The following DNAH2 variants were observed in gnomAD, a reference collection of about 807,000 sequenced individuals.
The protein encoded by DNAH2 is axonemal beta dynein heavy chain 2.
A neutral mutation model predicts 523.5 loss-of-function variants in DNAH2; 323 were observed. That is an observed-to-expected ratio of 0.62 (90% CI 0.56 to 0.68). The LOEUF (loss-of-function observed/expected upper bound fraction) is 0.68, where lower values mean the gene tolerates loss of function less well. Among genes scored for constraint, DNAH2 ranks in the 30% least tolerant of loss-of-function variants. The pLI is 0.00. For missense variants in DNAH2, 4,907 were observed against 5,701.5 expected, an observed-to-expected ratio of 0.86 and a Z score of 4.49; for synonymous variants, 2,093 against 2,177.4, an observed-to-expected ratio of 0.96 and a Z score of 1.08.
chr17:7,832,531 T>C lies in DNAH2; in HGVS notation c.12727-48T>C, dbSNP rs1170768409. The C allele has an allele frequency of 6.3e-7, 1 of 1,590,542 alleles. No homozygotes were observed. Among genetic ancestry groups the C allele is most frequent in the Non-Finnish European group, 8.6e-7 (1 of 1,165,438 alleles). On this transcript the variant is annotated intron_variant, in intron 82 of 85. Transcript: ENST00000572933. This position sits in a 1 kb window ranked among gnomAD's most constrained non-coding sequence, Gnocchi z 4.3. Reference sequence around the variant, plus strand: ...TCTCTAAATAAATAAATAATACGGATTTGAATGCACGGCTAAATGAGTGAA... The same window carrying C: ...TCTCTAAATAAATAAATAATACGGACTTGAATGCACGGCTAAATGAGTGAA...
chr17:7,763,749 A>C lies in DNAH2; in HGVS notation c.2979-82A>C. On this transcript the variant is annotated intron_variant, in intron 18 of 85. Transcript: ENST00000572933. ...GCTGCCCAGGTTTGGGTGGAAGGAAATGAGACCTGCAGCCCGTGTGGGGAC... is the reference window on the plus strand; with the variant it reads ...GCTGCCCAGGTTTGGGTGGAAGGAACTGAGACCTGCAGCCCGTGTGGGGAC... The C allele has an allele frequency of 1.9e-6, 3 of 1,550,402 alleles. No individual in the cohort carries two copies. The South Asian group carries it at 3.5e-5, about 18-fold the overall frequency.
intron 2 of DNAH2, 67 bp from the exon 3 acceptor site, chr17:7,723,561 C>T (rs1413620425): frequency 1.3e-5 from 18 of 1,402,814 alleles, no homozygotes; most frequent in Middle Eastern, 1.8e-4. Flanking sequence ...TGTGAGCCAC[C>T]GCGCCCAGCT....
In DNAH2 at chr17:7,797,177, T is replaced by G; in HGVS notation, c.7865T>G (p.Val2622Gly). Residue 2622 changes from valine (V) to glycine (G), a missense_variant and splice_region_variant, in exon 51 of 86, where the codon GTG becomes GGG. This residue lies in a region of DNAH2 where 250 missense variants were observed against 371.3 expected (regional missense o/e 0.67). Coordinates refer to ENST00000572933, the MANE Select transcript of DNAH2 (RefSeq NM_020877.5). The stretch of plus-strand genomic sequence containing the variant: ...CCCAACAGTCAGTCCTCTTCCCAGG[T>G]GTTCCAGGGCATGCTTAGAGCCAAC... The part of the protein sequence containing the change: ...YLFNLRDISK[V>G]FQGMLRANKD... 6.2e-7 allele frequency: 1 copy of G among 1,612,320 alleles called. No individual in the cohort carries two copies. The highest frequency in any genetic ancestry group is 8.5e-7 in the Non-Finnish European group (1 of 1,179,452).
At chr17:7,719,654 C>CT in intron 1 of DNAH2, 67 bp from the exon 2 acceptor site, 1 of 1,581,542 alleles carries the variant, frequency 6.3e-7, no homozygotes. Flanking sequence ...AAAGGGACTG[C>CT]TTGTATCAGG....
chr17:7,782,628 CAACA>C (rs1426846238), intron 39 of DNAH2, among the ~76,000 whole-genome samples: 1 of 152,080 alleles, frequency 6.6e-6, no homozygotes, highest in Non-Finnish European at 1.5e-5. Context: ...GCCAGAAGAA[CAACA>C]GACAGTGGAA....
chr17:7,802,156 G>A, intron 58 of DNAH2, 139 bp downstream of exon 58: 1 of 1,199,518 alleles, frequency 8.3e-7, no homozygotes, highest in Non-Finnish European at 1.2e-6. Flanking sequence ...AGGGAGTTGG[G>A]GCTTCCCGTG....
At chr17:7,734,113 A>C in intron 5 of DNAH2, 70 bp from the exon 6 acceptor site, 2 of 1,373,116 alleles carry the variant, frequency 1.5e-6, no homozygotes, top group Non-Finnish European at 1.0e-6. Context: ...CCGATCATCA[A>C]CCGTGATTCC....
At chr17:7,826,721 T>G (rs948472854) in intron 77 of DNAH2, among the ~76,000 whole-genome samples, 3 of 151,812 alleles carry the variant, frequency 2.0e-5, no homozygotes, top group African/African-American at 7.3e-5. Context: ...GTATTTTTAG[T>G]AGAGATGGAG....
chr17:7,803,458 G>T (rs2077277741), intron 58 of DNAH2, among the ~76,000 whole-genome samples: 1 of 152,118 alleles, frequency 6.6e-6, no homozygotes, highest in Admixed American at 6.6e-5. Flanking sequence ...ATCACTTGAG[G>T]TCAGGAGTTC....
rs1286903317 is a variant in DNAH2 at position 7,796,539 on chromosome 17, A to T, written c.7750A>T (p.Ile2584Phe). 5 of 1,613,620 alleles carry T rather than the reference A, an allele frequency of 3.1e-6. No individual in the cohort carries two copies. In the South Asian group the frequency reaches 4.4e-5, roughly 14 times the overall value. Residue 2584 changes from isoleucine to phenylalanine, a missense_variant, in exon 50 of 86, where the codon ATT (isoleucine) becomes TTT (phenylalanine). Physicochemically the swap from Ile to Phe is conservative, Grantham distance 21. Transcript: ENST00000572933. Reference sequence around the variant, plus strand: ...GGACTTTGAGGAAGAGGTGAAGCCCATTGGGAACGTGGTGACAGAGGCCAC... The same window carrying T: ...GGACTTTGAGGAAGAGGTGAAGCCCTTTGGGAACGTGGTGACAGAGGCCAC... ...LQDFEEEVKP[I>F]GNVVTEATLD...
Position 7,761,447 on chromosome 17 carries a change from T to A in DNAH2, c.2978+515T>A, listed in dbSNP as rs181889485. Among the ~76,000 whole-genome samples the A allele has an allele frequency of 7.4e-4, 113 of 152,138 alleles. 1 individual carries two copies. The highest frequency in any genetic ancestry group is 1.6e-3 in the Admixed American group (24 of 15,272). On this transcript the variant is annotated intron_variant, in intron 18 of 85. Coordinates refer to ENST00000572933, the MANE Select transcript of DNAH2 (RefSeq NM_020877.5). ...CATGCTTGAATAATTTTCTTTTTTT[T>A]AAAATTTTTTGTAGAGATTCTATGT...
At chr17:7,782,128 T>C (rs1321110862) in intron 39 of DNAH2, among the ~76,000 whole-genome samples, 2 of 152,182 alleles carry the variant, frequency 1.3e-5, no homozygotes, top group Admixed American at 1.3e-4. Context: ...AAAACTGTTG[T>C]TGATCTTAAG....
rs1555575669 is a variant in DNAH2 at position 7,823,345 on chromosome 17, T to TAGAG, written c.11143-96_11143-95insGAGA. 10 of 1,009,702 alleles carry TAGAG rather than the reference T, an allele frequency of 9.9e-6. No homozygotes were observed. In the Admixed American group the frequency reaches 1.5e-4, roughly 15 times the overall value. The allele number at this position is 1,009,702 out of a possible 1,614,324, so 62.5% of individuals were successfully genotyped here. A position where few individuals can be genotyped will look rare whatever the true frequency, so the allele number is the denominator to read the frequency against. ...GTTTTCCCACCGAGAGAGAGAAAAATACAGAGAGAGAGAGAGAGAGAGAGA... is the reference window on the plus strand; with the variant it reads ...GTTTTCCCACCGAGAGAGAGAAAAATAGAGACAGAGAGAGAGAGAGAGAGAGAGA... On this transcript the variant is annotated intron_variant, in intron 73 of 85. Coordinates refer to ENST00000572933, the MANE Select transcript of DNAH2 (RefSeq NM_020877.5).
intron 12 of DNAH2, among the ~76,000 whole-genome samples, chr17:7,753,877 G>C (rs1047548026): frequency 3.9e-5 from 6 of 152,132 alleles, no homozygotes; most frequent in Non-Finnish European, 5.9e-5. Flanking sequence ...AAACCGGGGA[G>C]GCAGAGGTTG....
rs201676897 is a variant in DNAH2 at position 7,719,850 on chromosome 17, C to A, written c.116C>A (p.Pro39Gln). 1.2e-6 allele frequency: 2 copies of A among 1,600,382 alleles called. No homozygotes were observed. Among genetic ancestry groups the A allele is most frequent in the African/African-American group, 2.7e-5 (2 of 74,652 alleles). Residue 39 changes from proline (P) to glutamine (Q), a missense_variant, in exon 2 of 86, where the codon CCG (proline) becomes CAG (glutamine). Transcript: ENST00000572933. ...AVATQEQGNAPAVSEPELQAE... is the reference protein window; with the variant it reads ...AVATQEQGNAQAVSEPELQAE... Reference sequence around the variant, plus strand: ...GCCACACAGGAGCAGGGGAATGCCCCGGCTGTCAGTGAGCCAGAGCTGCAG... The same window carrying A: ...GCCACACAGGAGCAGGGGAATGCCCAGGCTGTCAGTGAGCCAGAGCTGCAG...
chr17:7,805,474 A>G, intron 61 of DNAH2, 81 bp downstream of exon 61: 8 of 1,587,476 alleles, frequency 5.0e-6, no homozygotes, highest in Non-Finnish European at 1.7e-6. Context: ...ACACTCAGAA[A>G]GATAGGGATG....
chr17:7,810,911 A>T (rs2077499445), intron 63 of DNAH2, among the ~76,000 whole-genome samples: 1 of 152,194 alleles, frequency 6.6e-6, no homozygotes, highest in South Asian at 2.1e-4. Context: ...ATTTTGAGTA[A>T]ATAGCTTTAG....
chr17:7,762,451 T>C (rs931397630), intron 18 of DNAH2, among the ~76,000 whole-genome samples: 4 of 149,310 alleles, frequency 2.7e-5, no homozygotes, highest in Non-Finnish European at 5.9e-5. Context: ...TTCTCCTGCC[T>C]CAGCCTCCCG....
At chr17:7,767,524 C>G (rs1190829887) in intron 22 of DNAH2, among the ~76,000 whole-genome samples, 1 of 152,022 alleles carries the variant, frequency 6.6e-6, no homozygotes, top group Non-Finnish European at 1.5e-5. Context: ...AGCCATTTTC[C>G]ACAGCAGCTG....
Sources: allele counts gnomAD v4.1 joint callset (sites outside exome capture counted in the v4.1 genomes callset), GRCh38; gene constraint gnomAD v4.1.1; regional missense constraint gnomAD v4.1.1; non-coding constraint Gnocchi (gnomAD v3.1); transcripts MANE v1.5; gene names NCBI Gene and HGNC (gene_info 2026-07-23, HGNC 2026-07-21).